FAM110B: variants seen among roughly 807,000 people sequenced by gnomAD.
FAM110B encodes the protein family with sequence similarity 110 member B.
A neutral mutation model predicts 20.4 loss-of-function variants in FAM110B; 6 were observed. The ratio of observed to expected loss-of-function variants is 0.29; its 90% CI spans 0.16 to 0.58. The LOEUF (loss-of-function observed/expected upper bound fraction) is 0.58. Among genes scored for constraint, FAM110B ranks in the 20% least tolerant of loss-of-function variants. The pLI is 0.90. For synonymous variants in FAM110B, 226 were observed against 214.1 expected (o/e 1.06, Z -0.49); for missense variants, 434 against 498.2 (o/e 0.87, Z 1.23).
rs192661344 is a variant in FAM110B, at chr8:58,032,614, C to T, written c.-414+911C>T. 5.8e-4 allele frequency: 89 copies of T among 152,258 alleles called. 1 individual carries two copies. Among genetic ancestry groups the T allele is most frequent in the African/African-American group, 2.0e-3 (85 of 41,550 alleles). The allele number at this position is 152,258 out of a possible 1,614,324, so 9.4% of individuals were successfully genotyped here. On this transcript the variant is annotated intron_variant, in intron 2 of 3. Transcript: ENST00000519262. ...TATTGTGACTTATTTTTGTTCTTGG[C>T]GTTTGTTAATCTGAATAATGATGTC...
intron 1 of FAM110B, among the ~76,000 whole-genome samples, chr8:58,000,138 C>T (rs778930387): frequency 1.4e-4 from 22 of 152,102 alleles, no homozygotes; most frequent in African/African-American, 4.6e-4. Context: ...GAGGATGGCC[C>T]ATGCAAAGGC....
chr8:58,135,730 A>G (rs951834420), intron 3 of FAM110B, among the ~76,000 whole-genome samples: 6 of 151,492 alleles, frequency 4.0e-5, no homozygotes, highest in Admixed American at 6.6e-5. Context: ...CGGCTCCCCA[A>G]ATCCACACCA....
chr8:58,075,379 A>C (rs899668986), intron 2 of FAM110B, among the ~76,000 whole-genome samples, 156 bp from the exon 3 acceptor site: 1 of 151,608 alleles, frequency 6.6e-6, no homozygotes, highest in Non-Finnish European at 1.5e-5. Flanking sequence ...TCGGCCTCCC[A>C]AAGTGCTGGG....
In FAM110B at chr8:58,147,214, T is replaced by C. The variant is rs144924951; in HGVS notation, c.984T>C (p.Leu328=). ...CEQSQDSNSD[L]RNDDSANDRV... ...AGTCTCAGGACAGTAACAGTGACCTTAGAAATGATGACAGTGCCAATGACC... is the reference window on the plus strand; with the variant it reads ...AGTCTCAGGACAGTAACAGTGACCTCAGAAATGATGACAGTGCCAATGACC... Residue 328 remains leucine, a synonymous_variant, in exon 4 of 4, where the codon CTT becomes CTC. Coordinates refer to ENST00000519262, the MANE Select transcript of FAM110B (RefSeq NM_001377989.1). The C allele has an allele frequency of 1.9e-6, 3 of 1,613,958 alleles. No individual in the cohort carries two copies. Among genetic ancestry groups the C allele is most frequent in the Non-Finnish European group, 2.5e-6 (3 of 1,180,022 alleles).
chr8:58,033,094 G>A (rs1805002927), intron 2 of FAM110B, among the ~76,000 whole-genome samples: 1 of 151,870 alleles, frequency 6.6e-6, no homozygotes, highest in Non-Finnish European at 1.5e-5. Flanking sequence ...AGTGCCTTTT[G>A]CTCCCATTTT....
In FAM110B at chr8:58,147,361, A is replaced by G. The variant is rs764392839; in HGVS notation, c.*18A>G. 1.2e-6 allele frequency: 2 copies of G among 1,603,286 alleles called. No individual in the cohort carries two copies. Among genetic ancestry groups the G allele is most frequent in the Non-Finnish European group, 1.7e-6 (2 of 1,173,922 alleles). On this transcript the variant is annotated 3_prime_UTR_variant, in exon 4 of 4. Coordinates refer to ENST00000519262, the MANE Select transcript of FAM110B (RefSeq NM_001377989.1). ...ATGTGTAAGACAGTGCGTGGAAAGGAGGGAGCGTGGGTCTCTGTGCTTACG... is the reference window on the plus strand; with the variant it reads ...ATGTGTAAGACAGTGCGTGGAAAGGGGGGAGCGTGGGTCTCTGTGCTTACG...
Position 58,148,014 on chromosome 8 carries a change from T to C in FAM110B, c.*671T>C, listed in dbSNP as rs1277298451. ...AAAGACGATCAGATACAAAGAAAGA[T>C]GGTTAAATCTAGGAGGTTGGGTGTT... On this transcript the variant is annotated 3_prime_UTR_variant, in exon 4 of 4. Coordinates refer to ENST00000519262, the MANE Select transcript of FAM110B (RefSeq NM_001377989.1). 6.0e-6 allele frequency: 1 copy of C among 167,048 alleles called. No individual in the cohort carries two copies. The allele number at this position is 167,048 out of a possible 1,614,324, so 10.3% of individuals were successfully genotyped here. A position where few individuals can be genotyped will look rare whatever the true frequency, so the allele number is the denominator to read the frequency against.
intron 2 of FAM110B, among the ~76,000 whole-genome samples, chr8:58,038,526 T>C (rs149191438): frequency 2.0e-5 from 3 of 152,292 alleles, no homozygotes; most frequent in African/African-American, 7.2e-5. Flanking sequence ...CCAAGGCAAG[T>C]GGATCACTTG....
intron 1 of FAM110B, among the ~76,000 whole-genome samples, chr8:58,013,480 A>T (rs1331068092): frequency 1.3e-5 from 2 of 152,136 alleles, no homozygotes; most frequent in Non-Finnish European, 2.9e-5. Flanking sequence ...GGATTTGTGA[A>T]TTATGTGCGT....
intron 3 of FAM110B, among the ~76,000 whole-genome samples, chr8:58,100,657 T>G (rs1175441009): frequency 6.6e-6 from 1 of 152,222 alleles, no homozygotes; most frequent in Non-Finnish European, 1.5e-5. Flanking sequence ...TATCCCTGTG[T>G]CTGTGTCCAA....
chr8:58,017,974 G>A (rs1435540863), intron 1 of FAM110B, among the ~76,000 whole-genome samples: 1 of 152,172 alleles, frequency 6.6e-6, no homozygotes, highest in Admixed American at 6.5e-5. Flanking sequence ...TGCTCTGTAT[G>A]TCATAATGTA....
intron 3 of FAM110B, among the ~76,000 whole-genome samples, chr8:58,098,766 C>G (rs1377680505): frequency 1.3e-5 from 2 of 151,956 alleles, no homozygotes; most frequent in South Asian, 2.1e-4. Context: ...TCACAGCTTC[C>G]CTTGGCTAGG....
rs1444707674 is a variant in FAM110B, at chr8:58,146,610, G to T, written c.380G>T (p.Ser127Ile). 1.9e-6 allele frequency: 3 copies of T among 1,614,028 alleles called. No individual in the cohort carries two copies. Among genetic ancestry groups the T allele is most frequent in the Non-Finnish European group, 2.5e-6 (3 of 1,179,950 alleles). Residue 127 changes from serine (S) to isoleucine (I), a missense_variant, in exon 4 of 4, where the codon AGC (serine) becomes ATC (isoleucine). By Grantham distance (142) the Ser-to-Ile change is moderately radical. Coordinates refer to ENST00000519262, the MANE Select transcript of FAM110B (RefSeq NM_001377989.1). ...KLEILKNIIN[S>I]SEGSSSGSGH... is the part of the protein sequence containing the mutation. Reference sequence around the variant, plus strand: ...GAGATCCTGAAGAACATCATCAATAGCTCCGAGGGCTCTAGCTCGGGCTCG... The same window carrying T: ...GAGATCCTGAAGAACATCATCAATATCTCCGAGGGCTCTAGCTCGGGCTCG...
chr8:58,047,591 C>CCTCTGT (rs1805351819), intron 2 of FAM110B, among the ~76,000 whole-genome samples: 1 of 74,646 alleles, frequency 1.3e-5, no homozygotes, highest in Admixed American at 1.5e-4. Context: ...CTTCCTTTTT[C>CCTCTGT]CTCTCTCTCT....
intron 2 of FAM110B, among the ~76,000 whole-genome samples, chr8:58,066,241 C>T (rs948469867): frequency 6.6e-6 from 1 of 152,220 alleles, no homozygotes; most frequent in Admixed American, 6.5e-5. Context: ...GCAGTCTGCT[C>T]AGGGTTTTTG....
intron 2 of FAM110B, among the ~76,000 whole-genome samples, chr8:58,037,857 C>G (rs1007691382): frequency 6.6e-6 from 1 of 152,056 alleles, no homozygotes; most frequent in Non-Finnish European, 1.5e-5. Context: ...TGTCTGGGGC[C>G]GTCATACCTG....
At chr8:58,004,685 C>T (rs1804365590) in intron 1 of FAM110B, among the ~76,000 whole-genome samples, 1 of 152,220 alleles carries the variant, frequency 6.6e-6, no homozygotes, top group Non-Finnish European at 1.5e-5. Context: ...GCGGAGATTG[C>T]AGTGAGCTGA....
chr8:57,994,853 T>G (rs1327697919), intron 1 of FAM110B, 47 bp downstream of exon 1: 1 of 149,540 alleles, frequency 6.7e-6, no homozygotes, highest in Non-Finnish European at 1.5e-5. Flanking sequence ...TGGGCGGGGG[T>G]TGGGATTCGG....
intron 3 of FAM110B, among the ~76,000 whole-genome samples, chr8:58,141,803 G>A (rs1366254855): frequency 6.6e-6 from 1 of 152,160 alleles, no homozygotes; most frequent in African/African-American, 2.4e-5. Context: ...CATTCCCCAT[G>A]GCAGCCCGTA....
Sources: allele counts gnomAD v4.1 joint callset (sites outside exome capture counted in the v4.1 genomes callset), GRCh38; gene constraint gnomAD v4.1.1; transcripts MANE v1.5; gene names NCBI Gene and HGNC (gene_info 2026-07-23, HGNC 2026-07-21).